Variants in KDM4C observed in about 807,000 individuals in gnomAD.
The protein encoded by KDM4C is lysine demethylase 4C, also known as lysine-specific demethylase 4C.
KDM4C carries 81 observed loss-of-function variants against 129.3 expected under a neutral mutation model. The ratio of observed to expected loss-of-function variants is 0.63; its 90% CI spans 0.52 to 0.75. The LOEUF (loss-of-function observed/expected upper bound fraction) is 0.75, where lower values mean the gene tolerates loss of function less well. Among genes scored for constraint, KDM4C ranks in the 30% least tolerant of loss-of-function variants. The pLI, the probability that KDM4C is intolerant of heterozygous loss-of-function variation, is 0.00. For missense variants in KDM4C, 1,457 were observed against 1,304.0 expected, an observed-to-expected ratio of 1.12 and a Z score of -1.81; for synonymous variants, 573 against 456.1, an observed-to-expected ratio of 1.26 and a Z score of -3.26.
chr9:6,737,595 C>G (rs1817565210), intron 1 of KDM4C, among the ~76,000 whole-genome samples: 1 of 136,390 alleles, frequency 7.3e-6, no homozygotes, highest in African/African-American at 2.8e-5. Flanking sequence ...ACCCGAGAGG[C>G]AGAGGTTGCA....
At chr9:7,117,631 AC>A (rs1220634211) in intron 18 of KDM4C, among the ~76,000 whole-genome samples, 49 of 26,334 alleles carry the variant, frequency 1.9e-3, no homozygotes, top group Middle Eastern at 0.024. Context: ...ATTTCTACAC[AC>A]ACACACACAC....
intron 19 of KDM4C, among the ~76,000 whole-genome samples, chr9:7,146,925 T>C (rs1052204804): frequency 6.6e-6 from 1 of 152,238 alleles, no homozygotes; most frequent in African/African-American, 2.4e-5. Context: ...TTTCCTTCAC[T>C]ATTTTTAATC....
chr9:7,021,140 G>GTGTGTA (rs111565497), intron 15 of KDM4C, among the ~76,000 whole-genome samples: 189 of 146,950 alleles, frequency 1.3e-3, no homozygotes, highest in African/African-American at 4.5e-3. Flanking sequence ...GTGTGTGTGT[G>GTGTGTA]TATATATATA....
At chr9:7,023,634 A>T (rs185748844) in intron 15 of KDM4C, among the ~76,000 whole-genome samples, 13 of 151,792 alleles carry the variant, frequency 8.6e-5, no homozygotes, top group African/African-American at 3.1e-4. Flanking sequence ...AAATTCACTT[A>T]TTTCTACTCT....
intron 14 of KDM4C, 23 bp from the exon 15 acceptor site, chr9:7,015,830 G>T: frequency 6.5e-7 from 1 of 1,533,098 alleles, no homozygotes; most frequent in South Asian, 1.1e-5. Context: ...CCTAACGCAT[G>T]GATACATACT....
intron 8 of KDM4C, among the ~76,000 whole-genome samples, chr9:6,977,549 G>A (rs1008381520): frequency 3.3e-5 from 5 of 152,138 alleles, no homozygotes; most frequent in South Asian, 4.2e-4. Context: ...GGAGAATGAA[G>A]AAGTCACATA....
intron 19 of KDM4C, among the ~76,000 whole-genome samples, chr9:7,163,425 T>A (rs1462913569): frequency 4.6e-5 from 7 of 151,990 alleles, no homozygotes; most frequent in Non-Finnish European, 1.0e-4. Context: ...AAAAATAAAA[T>A]TAAGTCGTAA....
intron 20 of KDM4C, among the ~76,000 whole-genome samples, chr9:7,168,524 T>TA (rs536833357): frequency 3.5e-4 from 53 of 152,328 alleles, no homozygotes; most frequent in African/African-American, 1.3e-3. Context: ...CAAAATCTTT[T>TA]AAAATGTTAA....
chr9:6,860,331 A>T (rs1840695779), intron 5 of KDM4C, among the ~76,000 whole-genome samples: 1 of 152,240 alleles, frequency 6.6e-6, no homozygotes, highest in South Asian at 2.1e-4. Context: ...CATTTGAAGG[A>T]TTGAGTTATG....
intron 19 of KDM4C, among the ~76,000 whole-genome samples, chr9:7,135,836 C>T (rs374212141): frequency 6.6e-6 from 1 of 152,282 alleles, no homozygotes; most frequent in South Asian, 2.1e-4. Flanking sequence ...GGCCAAGTGG[C>T]CAAGACAGTG....
rs915873880 is a variant in KDM4C at position 6,773,729 on chromosome 9, C to G, written c.-18+15526C>G. On this transcript the variant is annotated intron_variant, in intron 1 of 21. Transcript: ENST00000381309. ...GAGGTTGCAGTGAGTCAAGATCGCACCATGGCACCCTAGCCTGGGCGACAG... is the reference window on the plus strand; with the variant it reads ...GAGGTTGCAGTGAGTCAAGATCGCAGCATGGCACCCTAGCCTGGGCGACAG... 3.3e-5 allele frequency among the ~76,000 whole-genome samples: 5 copies of G among 151,082 alleles called. No homozygotes were observed. The East Asian group carries it at 7.8e-4, about 24-fold the overall frequency.
chr9:6,919,258 T>TCTTTCTTTCTTTC, intron 8 of KDM4C, among the ~76,000 whole-genome samples: 1 of 145,070 alleles, frequency 6.9e-6, no homozygotes, highest in Non-Finnish European at 1.5e-5. Flanking sequence ...TTTCTTTCTT[T>TCTTTCTTTCTTTC]CTTTCTTTCT....
At chr9:6,778,756 G>C (rs1343382710) in intron 1 of KDM4C, among the ~76,000 whole-genome samples, 1 of 151,534 alleles carries the variant, frequency 6.6e-6, no homozygotes, top group Non-Finnish European at 1.5e-5. Flanking sequence ...AACAGAGCAA[G>C]ACTCTGTGTC....
At position 6,889,089 on chromosome 9, in the gene KDM4C, T is replaced by C. The variant is rs1423712580; in HGVS notation, c.783+1026T>C. Among the ~76,000 whole-genome samples the C allele has an allele frequency of 1.3e-5, 2 of 151,112 alleles. 1 individual carries two copies. The highest frequency in any genetic ancestry group is 4.9e-5 in the African/African-American group (2 of 40,948). ...AGGCGTGAGCCACCGCGCCCGGCCC[T>C]TCTGTGTTTTTTATTTGACTTTTCT... is the stretch of plus-strand genomic sequence containing the variant. On this transcript the variant is annotated intron_variant, in intron 7 of 21. Transcript: ENST00000381309.
At chr9:6,800,180 C>T (rs1445962132) in intron 2 of KDM4C, among the ~76,000 whole-genome samples, 2 of 152,054 alleles carry the variant, frequency 1.3e-5, no homozygotes, top group Non-Finnish European at 2.9e-5. Context: ...CCAACCTGGA[C>T]AAATGGTGAA....
At chr9:6,738,971 C>G (rs1307139072) in intron 1 of KDM4C, among the ~76,000 whole-genome samples, 2 of 151,898 alleles carry the variant, frequency 1.3e-5, no homozygotes, top group African/African-American at 4.8e-5. Flanking sequence ...TCAATTTATT[C>G]TCCCACCTCA....
At chr9:7,159,015 TG>T (rs1564191656) in intron 19 of KDM4C, among the ~76,000 whole-genome samples, 1 of 152,230 alleles carries the variant, frequency 6.6e-6, no homozygotes, top group Non-Finnish European at 1.5e-5. Flanking sequence ...TTTATGAATC[TG>T]GGTGCTCCTG....
Position 6,939,847 on chromosome 9 carries a change from T to C in KDM4C, c.922-41078T>C, listed in dbSNP as rs371194491. Among the ~76,000 whole-genome samples, 7 of 152,222 alleles carry C rather than the reference T, an allele frequency of 4.6e-5. No homozygotes were observed. The East Asian group carries it at 5.8e-4, about 13-fold the overall frequency. Reference sequence around the variant, plus strand: ...ATATATGTTATTTATATTGAATTACTCTTGGCAGAGGAAATAACTGAAAGT... The same window carrying C: ...ATATATGTTATTTATATTGAATTACCCTTGGCAGAGGAAATAACTGAAAGT... On this transcript the variant is annotated intron_variant, in intron 8 of 21. Coordinates refer to ENST00000381309, the MANE Select transcript of KDM4C (RefSeq NM_015061.6).
chr9:6,775,795 T>C (rs529848858), intron 1 of KDM4C, among the ~76,000 whole-genome samples: 1 of 152,314 alleles, frequency 6.6e-6, no homozygotes, highest in South Asian at 2.1e-4. Context: ...GTGTTGGGAT[T>C]ACAGCATGAG....
Sources: gnomAD v4.1 joint callset for allele counts (sites outside exome capture counted in the v4.1 genomes callset) on GRCh38, gnomAD v4.1.1 for gene constraint, MANE v1.5 for transcripts, NCBI Gene and HGNC (gene_info 2026-07-23, HGNC 2026-07-21) for gene names.